Variants in OSMR observed in about 807,000 individuals in gnomAD.
OSMR encodes the protein oncostatin-M-specific receptor subunit beta.
In OSMR, 81 loss-of-function variants were observed where a neutral mutation model predicts 99.9. The ratio of observed to expected loss-of-function variants is 0.81; its 90% CI spans 0.68 to 0.97. The LOEUF (loss-of-function observed/expected upper bound fraction) is 0.97, where lower values mean the gene tolerates loss of function less well. Ranked by LOEUF, OSMR falls within the 50% of genes least tolerant of loss-of-function variation. The pLI, the probability that OSMR is intolerant of heterozygous loss-of-function variation, is 0.00. For missense variants in OSMR, 1,099 were observed against 1,153.4 expected, an observed-to-expected ratio of 0.95 and a Z score of 0.68; for synonymous variants, 406 against 410.4, an observed-to-expected ratio of 0.99 and a Z score of 0.13.
At chr5:38,877,822 C>A (rs1742957519) in intron 3 of OSMR, among the ~76,000 whole-genome samples, 1 of 152,162 alleles carries the variant, frequency 6.6e-6, no homozygotes, top group Non-Finnish European at 1.5e-5. Flanking sequence ...TAATATTAGC[C>A]ATACACCAAG....
chr5:38,938,533 G>A, downstream of OSMR: 1 of 232,704 alleles, frequency 4.3e-6, no homozygotes, highest in Non-Finnish European at 8.5e-6. Context: ...AAAACAAAAT[G>A]TGCAATTTAT....
At chr5:38,906,671 A>T (rs1745255580) in intron 9 of OSMR, among the ~76,000 whole-genome samples, 1 of 152,214 alleles carries the variant, frequency 6.6e-6, no homozygotes, top group South Asian at 2.1e-4. Flanking sequence ...AGATTTAAAA[A>T]TATATGGCCA....
chr5:38,911,684 TC>T (rs1745598867), intron 9 of OSMR, among the ~76,000 whole-genome samples: 1 of 152,086 alleles, frequency 6.6e-6, no homozygotes, highest in Non-Finnish European at 1.5e-5. Context: ...GCAATCCAGA[TC>T]CAGCAGCACA....
intron 7 of OSMR, among the ~76,000 whole-genome samples, chr5:38,888,994 A>G (rs150498629): frequency 6.6e-6 from 1 of 150,386 alleles, no homozygotes; most frequent in East Asian, 1.9e-4. Flanking sequence ...TTATTGTTGC[A>G]TTTTTTTTTC....
chr5:38,865,709 G>T (rs1741883588), intron 1 of OSMR, among the ~76,000 whole-genome samples: 1 of 152,252 alleles, frequency 6.6e-6, no homozygotes, highest in Non-Finnish European at 1.5e-5. Flanking sequence ...GTGGTAGTGG[G>T]GTTGGATGGG....
chr5:38,904,303 T>C, intron 8 of OSMR, 50 bp from the exon 9 acceptor site: 1 of 1,577,258 alleles, frequency 6.3e-7, no homozygotes, highest in Non-Finnish European at 8.6e-7. Flanking sequence ...CCAATGTTTC[T>C]GTCTTGTTCT....
intron 9 of OSMR, 126 bp downstream of exon 9, chr5:38,904,629 T>TC: frequency 1.7e-6 from 2 of 1,162,916 alleles, no homozygotes; most frequent in Non-Finnish European, 2.5e-6. Flanking sequence ...GGGTAGCATT[T>TC]AAAAAATTAG....
At chr5:38,880,348 G>A (rs772656406) in intron 3 of OSMR, among the ~76,000 whole-genome samples, 1 of 152,216 alleles carries the variant, frequency 6.6e-6, no homozygotes, top group Non-Finnish European at 1.5e-5. Context: ...TGTCATGTGT[G>A]TGTTGTCTCC....
chr5:38,943,030 C>T, intron 1 of OSMR: 2 of 1,288,344 alleles, frequency 1.6e-6, no homozygotes, highest in South Asian at 1.2e-5. Context: ...TATTTTTCCT[C>T]CAAGGTATCA....
chr5:38,856,642 T>C (rs1250586562), intron 1 of OSMR, among the ~76,000 whole-genome samples: 1 of 152,138 alleles, frequency 6.6e-6, no homozygotes, highest in Admixed American at 6.5e-5. Flanking sequence ...AAGACCATCT[T>C]GTGATCTTTT....
At chr5:38,854,727 G>T (rs1740710422) in intron 1 of OSMR, among the ~76,000 whole-genome samples, 2 of 152,290 alleles carry the variant, frequency 1.3e-5, no homozygotes, top group South Asian at 4.2e-4. Flanking sequence ...TTCTGGGACT[G>T]ACAGACAATG....
intron 7 of OSMR, among the ~76,000 whole-genome samples, chr5:38,895,339 A>G (rs1179040510): frequency 4.6e-5 from 7 of 152,108 alleles, no homozygotes; most frequent in Non-Finnish European, 7.4e-5. Flanking sequence ...AACAGGATTG[A>G]TAGACCACTA....
intron 2 of OSMR, among the ~76,000 whole-genome samples, chr5:38,869,378 A>T (rs1742196033): frequency 6.6e-6 from 1 of 152,156 alleles, no homozygotes; most frequent in Admixed American, 6.5e-5. Flanking sequence ...GGCAGTTGTA[A>T]ATAGACCTAA....
intron 2 of OSMR, chr5:38,944,545 G>T (rs1344217507): frequency 1.2e-6 from 2 of 1,604,916 alleles, no homozygotes; most frequent in Admixed American, 1.7e-5. Flanking sequence ...GCACATTGGT[G>T]TATCATCTGG....
In OSMR at chr5:38,932,966, T is replaced by C; in HGVS notation, c.2462T>C (p.Leu821Pro). The change falls in exon 18 of 18, where the codon CTA becomes CCA. Residue 821 changes from leucine to proline, a missense_variant. By Grantham distance (98) the Leu-to-Pro change is moderately conservative. Coordinates refer to ENST00000274276, the MANE Select transcript of OSMR (RefSeq NM_003999.3). ...SKPEGTKIQF[L>P]GTRKSLTETE... is the part of the protein sequence containing the mutation. The stretch of plus-strand genomic sequence containing the variant: ...CCAGAAGGGACAAAGATACAGTTCC[T>C]AGGCACTAGGAAGTCACTCACAGAA... 6.2e-7 allele frequency: 1 copy of C among 1,614,204 alleles called. No individual in the cohort carries two copies.
intron 9 of OSMR, among the ~76,000 whole-genome samples, chr5:38,913,637 A>C (rs140693985): frequency 7.9e-5 from 12 of 152,196 alleles, no homozygotes; most frequent in African/African-American, 2.6e-4. Flanking sequence ...AATGCTCAAC[A>C]TCACCAATCA....
intron 10 of OSMR, among the ~76,000 whole-genome samples, chr5:38,917,971 A>C (rs1746011520): frequency 6.6e-6 from 1 of 152,146 alleles, no homozygotes; most frequent in Admixed American, 6.5e-5. Flanking sequence ...AAAAATTATA[A>C]ATCAAGCTTA....
At chr5:38,936,014 A>G (rs1747013320), downstream of OSMR, among the ~76,000 whole-genome samples, 1 of 152,204 alleles carries the variant, frequency 6.6e-6, no homozygotes, top group African/African-American at 2.4e-5. Flanking sequence ...TCAAAACCTT[A>G]GTTTTCAATA....
At chr5:38,885,264 G>A in intron 5 of OSMR, 85 bp from the exon 6 acceptor site, 2 of 1,595,460 alleles carry the variant, frequency 1.3e-6, no homozygotes, top group Non-Finnish European at 8.5e-7. Flanking sequence ...TAACTCTGTG[G>A]CTTCAGACTC....
Sources: allele counts gnomAD v4.1 joint callset (sites outside exome capture counted in the v4.1 genomes callset), GRCh38; gene constraint gnomAD v4.1.1; transcripts MANE v1.5; gene names NCBI Gene and HGNC (gene_info 2026-07-23, HGNC 2026-07-21).